ERC2: variants seen among roughly 807,000 people sequenced by gnomAD.
The protein encoded by ERC2 is ERC protein 2.
In ERC2, 42 loss-of-function variants were observed where a neutral mutation model predicts 114.8. That is an observed-to-expected ratio of 0.37 (90% CI 0.29 to 0.47). The LOEUF is 0.47. Among genes scored for constraint, ERC2 ranks in the 20% least tolerant of loss-of-function variants. ERC2 has a pLI of 0.99. For missense variants in ERC2, 939 were observed against 1,150.7 expected, an observed-to-expected ratio of 0.82 and a Z score of 2.66; for synonymous variants, 454 against 425.5, an observed-to-expected ratio of 1.07 and a Z score of -0.82.
chr3:56,144,529 G>A (rs2081038683), intron 5 of ERC2, among the ~76,000 whole-genome samples: 2 of 152,122 alleles, frequency 1.3e-5, no homozygotes, highest in African/African-American at 4.8e-5. Context: ...TGAAAAAACC[G>A]ATTCGTGCTA....
chr3:55,844,245 A>G (rs949261969), intron 14 of ERC2, among the ~76,000 whole-genome samples: 3 of 152,178 alleles, frequency 2.0e-5, no homozygotes, highest in Non-Finnish European at 4.4e-5. Context: ...TGTTCATCAA[A>G]ACACAGTTAG....
intron 17 of ERC2, among the ~76,000 whole-genome samples, chr3:55,592,601 G>C (rs2057944475): frequency 6.6e-6 from 1 of 152,156 alleles, no homozygotes; most frequent in African/African-American, 2.4e-5. Flanking sequence ...GTCTTGCCAG[G>C]TCCTCAGCTT....
intron 1 of ERC2, among the ~76,000 whole-genome samples, chr3:56,461,729 T>C (rs1391221816): frequency 1.3e-5 from 2 of 152,140 alleles, no homozygotes; most frequent in Non-Finnish European, 2.9e-5. Flanking sequence ...TTTAGAGCAG[T>C]GGCCTCAACA....
chr3:55,534,568 C>G (rs140617394), intron 17 of ERC2, among the ~76,000 whole-genome samples: 1 of 151,708 alleles, frequency 6.6e-6, no homozygotes, highest in Non-Finnish European at 1.5e-5. Flanking sequence ...TAGTAGCACA[C>G]GCCTGTAGTC....
intron 14 of ERC2, among the ~76,000 whole-genome samples, chr3:55,818,941 C>T (rs1425095561): frequency 6.6e-6 from 1 of 152,192 alleles, no homozygotes; most frequent in Non-Finnish European, 1.5e-5. Context: ...TACTTGGGCA[C>T]ATAGGAAGGA....
At chr3:56,287,891 G>A (rs1241528178) in intron 3 of ERC2, among the ~76,000 whole-genome samples, 1 of 152,198 alleles carries the variant, frequency 6.6e-6, no homozygotes, top group African/African-American at 2.4e-5. Flanking sequence ...AGAATTAAAT[G>A]GCACTCCTTG....
intron 14 of ERC2, among the ~76,000 whole-genome samples, chr3:55,741,371 T>C (rs937542761): frequency 6.6e-6 from 1 of 152,078 alleles, no homozygotes; most frequent in African/African-American, 2.4e-5. Flanking sequence ...CCAGTTCTGA[T>C]GCACCACTTT....
intron 2 of ERC2, among the ~76,000 whole-genome samples, chr3:56,352,849 T>C (rs946749091): frequency 3.3e-5 from 5 of 152,196 alleles, no homozygotes; most frequent in Non-Finnish European, 7.3e-5. Context: ...GAGATTACCC[T>C]ACCCTCTTTG....
intron 2 of ERC2, among the ~76,000 whole-genome samples, chr3:56,369,923 C>A (rs2059300350): frequency 6.6e-6 from 1 of 152,302 alleles, no homozygotes; most frequent in East Asian, 1.9e-4. Context: ...GATCCACCTG[C>A]CTTGGCCTCC....
intron 3 of ERC2, among the ~76,000 whole-genome samples, chr3:56,214,730 G>C (rs2049332299): frequency 6.6e-6 from 1 of 152,088 alleles, no homozygotes; most frequent in African/African-American, 2.4e-5. Context: ...AAAATGTTAA[G>C]GGCAGCCAGA....
chr3:56,337,501 A>C (rs746802391), intron 2 of ERC2, among the ~76,000 whole-genome samples: 2 of 152,222 alleles, frequency 1.3e-5, no homozygotes, highest in Non-Finnish European at 2.9e-5. Context: ...CCTGGCTCTA[A>C]GGGTTGCTGT....
At chr3:55,956,984 T>TA (rs2068001255) in intron 12 of ERC2, among the ~76,000 whole-genome samples, 1 of 152,082 alleles carries the variant, frequency 6.6e-6, no homozygotes, top group Admixed American at 6.5e-5. Context: ...CACCCTCAGT[T>TA]AAATCTCACA....
chr3:55,685,058 C>T (rs909695690), intron 16 of ERC2, among the ~76,000 whole-genome samples: 2 of 152,252 alleles, frequency 1.3e-5, no homozygotes, highest in African/African-American at 4.8e-5. Flanking sequence ...TCCACCTAAT[C>T]CGGCCAATAG....
At chr3:55,810,105 A>G (rs142312935) in intron 14 of ERC2, among the ~76,000 whole-genome samples, 15 of 152,316 alleles carry the variant, frequency 9.8e-5, no homozygotes, top group African/African-American at 3.6e-4. Flanking sequence ...TTAAAAATCC[A>G]TCTTAGTCCT....
intron 2 of ERC2, among the ~76,000 whole-genome samples, chr3:56,358,739 G>C (rs1442087448): frequency 6.6e-6 from 1 of 152,224 alleles, no homozygotes; most frequent in Non-Finnish European, 1.5e-5. Flanking sequence ...TCCAAGCCTT[G>C]GTATCCTCAT....
chr3:55,804,723 T>C (rs545965328), intron 14 of ERC2, among the ~76,000 whole-genome samples: 61 of 152,180 alleles, frequency 4.0e-4, no homozygotes, highest in African/African-American at 1.3e-3. Context: ...GGACCTTCCA[T>C]AGCAGGAATG....
chr3:55,929,263 T>A (rs2065931706), intron 13 of ERC2, among the ~76,000 whole-genome samples: 1 of 152,148 alleles, frequency 6.6e-6, no homozygotes, highest in African/African-American at 2.4e-5. Flanking sequence ...AACTTCCTGC[T>A]CAGCACTGCC....
intron 15 of ERC2, among the ~76,000 whole-genome samples, chr3:55,721,567 T>C (rs2148887545): frequency 6.6e-6 from 1 of 152,310 alleles, no homozygotes; most frequent in Middle Eastern, 3.4e-3. Flanking sequence ...ACTGAGCCTG[T>C]GAGAGAGAAG....
chr3:56,087,309 G>A (rs957996367), intron 6 of ERC2, among the ~76,000 whole-genome samples: 2 of 151,760 alleles, frequency 1.3e-5, no homozygotes, highest in Non-Finnish European at 2.9e-5. Flanking sequence ...GTAATAACTT[G>A]AAAGAAAAGA....
Sources: gnomAD v4.1 joint callset for allele counts (sites outside exome capture counted in the v4.1 genomes callset) on GRCh38, gnomAD v4.1.1 for gene constraint, MANE v1.5 for transcripts, NCBI Gene and HGNC (gene_info 2026-07-23, HGNC 2026-07-21) for gene names.